Variants in ADGRE1 observed in about 807,000 individuals in gnomAD.
The protein encoded by ADGRE1 is EGF-like module receptor 1.
A neutral mutation model predicts 102.7 loss-of-function variants in ADGRE1; 82 were observed. The observed-to-expected ratio is 0.80, with a 90% CI of 0.67 to 0.96. The LOEUF is 0.96. ADGRE1 is among the 40% of genes least tolerant of loss of function. The probability of loss-of-function intolerance (pLI) is 0.00; values close to 1 mark genes in which losing one functional copy is unlikely to be tolerated. For missense variants in ADGRE1, 1,032 were observed against 1,085.3 expected, an observed-to-expected ratio of 0.95 and a Z score of 0.69; for synonymous variants, 398 against 399.6, an observed-to-expected ratio of 1.00 and a Z score of 0.05.
At chr19:6,922,686 A>T (rs1032466102) in intron 14 of ADGRE1, among the ~76,000 whole-genome samples, 1 of 151,978 alleles carries the variant, frequency 6.6e-6, no homozygotes, top group South Asian at 2.1e-4. Flanking sequence ...GGTGTTTCCA[A>T]GAGAGCCGAT....
At chr19:6,896,693 T>C (rs899579603) in intron 3 of ADGRE1, 152 bp downstream of exon 3, 2 of 872,818 alleles carry the variant, frequency 2.3e-6, no homozygotes, top group Middle Eastern at 3.6e-4. Context: ...GTCATTTCTG[T>C]TCAAGGTTAA....
Position 6,926,579 on chromosome 19 carries a change from C to T in ADGRE1, c.2200C>T (p.Gln734Ter). The T allele has an allele frequency of 6.2e-7, 1 of 1,614,226 alleles. No homozygotes were observed. ...VVVISASVQPQGYGMHNRCWL... is the reference protein window; with the variant it reads ...VVVISASVQP ...GGTGATCTCTGCCAGTGTGCAGCCA[C>T]AGGGCTATGGAATGCATAATCGGTG... Residue 734 changes from glutamine to a stop codon, truncating the protein, a stop_gained, in exon 16 of 21, where the codon CAG becomes TAG. Coordinates refer to ENST00000312053, the MANE Select transcript of ADGRE1 (RefSeq NM_001974.5). LOFTEE classifies it high-confidence loss of function.
chr19:6,910,013 T>A (rs539617050), intron 10 of ADGRE1, among the ~76,000 whole-genome samples: 28 of 152,092 alleles, frequency 1.8e-4, no homozygotes, highest in Non-Finnish European at 2.8e-4. Context: ...GGATTAGAGG[T>A]GTGAGCCACC....
intron 11 of ADGRE1, among the ~76,000 whole-genome samples, chr19:6,914,154 A>AT (rs1229367648): frequency 2.6e-5 from 4 of 152,346 alleles, no homozygotes; most frequent in Non-Finnish European, 4.4e-5. Flanking sequence ...CCATGGTAGA[A>AT]TTGTACTTCC....
chr19:6,912,162 A>G (rs779513124), intron 10 of ADGRE1, among the ~76,000 whole-genome samples: 1 of 152,092 alleles, frequency 6.6e-6, no homozygotes, highest in Admixed American at 6.6e-5. Flanking sequence ...ACATACACAG[A>G]GATATACACA....
Position 6,910,452 on chromosome 19 carries a change from T to G in ADGRE1, c.1122+1680T>G, listed in dbSNP as rs543165489. Among the ~76,000 whole-genome samples, 9 of 152,308 alleles carry G rather than the reference T, an allele frequency of 5.9e-5. No individual in the cohort carries two copies. In the South Asian group the frequency reaches 1.9e-3, roughly 32 times the overall value. On this transcript the variant is annotated intron_variant, in intron 10 of 20. Transcript: ENST00000312053. ...ATTCTTTTAGACATTCAATATGGTT[T>G]ATAAATAGCCACGTTCTCTTAAATT...
intron 17 of ADGRE1, among the ~76,000 whole-genome samples, chr19:6,933,404 T>TTTTTTTTTA (rs1975250697): frequency 7.1e-6 from 1 of 141,790 alleles, no homozygotes; most frequent in African/African-American, 2.6e-5. Context: ...TTTTTTTTTT[T>TTTTTTTTTA]GAGACAGAGT....
Position 6,916,263 on chromosome 19 carries a change from G to T in ADGRE1, c.1315G>T (p.Val439Phe), listed in dbSNP as rs1974378035. ...RTEYLDIESK[V>F]INKECSEENV... ...TCTCTTTTTAGACATTGAGAGCAAAGTTATCAACAAAGAATGCAGTGAAGA... is the reference window on the plus strand; with the variant it reads ...TCTCTTTTTAGACATTGAGAGCAAATTTATCAACAAAGAATGCAGTGAAGA... Residue 439 changes from valine (V) to phenylalanine (F), a missense_variant, in exon 12 of 21, where the codon GTT becomes TTT. Val to Phe is a conservative substitution (Grantham distance 50). Transcript: ENST00000312053. 1.9e-6 allele frequency: 3 copies of T among 1,612,658 alleles called. No homozygotes were observed. Among genetic ancestry groups the T allele is most frequent in the Admixed American group, 3.3e-5 (2 of 59,876 alleles).
chr19:6,935,783 C>A (rs565516268), intron 18 of ADGRE1, among the ~76,000 whole-genome samples: 1 of 152,126 alleles, frequency 6.6e-6, no homozygotes. Flanking sequence ...TTAGAATGTG[C>A]GTCGTAAATT....
chr19:6,896,397 G>C lies in ADGRE1; in HGVS notation c.95-1G>C. The C allele has an allele frequency of 6.2e-7, 1 of 1,613,736 alleles. No individual in the cohort carries two copies. The highest frequency in any genetic ancestry group is 1.7e-4 in the Middle Eastern group (1 of 6,060). ...TAAACTTTTCTTTATACACTGCCTA[G>C]GTAATAACTGTAGAGACAGTACCTT... On this transcript the variant is annotated splice_acceptor_variant, in intron 2 of 20. Transcript: ENST00000312053. LOFTEE classifies it high-confidence loss of function.
intron 10 of ADGRE1, 45 bp from the exon 11 acceptor site, chr19:6,913,608 A>T: frequency 6.7e-7 from 1 of 1,491,136 alleles, no homozygotes; most frequent in Non-Finnish European, 9.0e-7. Context: ...TTATTTCATT[A>T]ATGAGAGAGA....
At chr19:6,933,385 C>CTTTTTT (rs34493324) in intron 17 of ADGRE1, among the ~76,000 whole-genome samples, 9 of 129,892 alleles carry the variant, frequency 6.9e-5, no homozygotes, top group African/African-American at 2.3e-4. Context: ...AGTGTGAAGA[C>CTTTTTT]TTTTTTTTTT....
intron 5 of ADGRE1, chr19:6,898,812 T>A (rs544941987): frequency 1.9e-5 from 8 of 432,274 alleles, no homozygotes; most frequent in Middle Eastern, 6.0e-4. Context: ...GGTAAAAATA[T>A]ATAGTTGCCT....
intron 13 of ADGRE1, among the ~76,000 whole-genome samples, chr19:6,920,488 G>A (rs1179545859): frequency 2.1e-5 from 3 of 141,896 alleles, no homozygotes; most frequent in East Asian, 2.2e-4. Context: ...CAAAGTGCTG[G>A]GATTACAGGC....
intron 20 of ADGRE1, 129 bp downstream of exon 20, chr19:6,937,777 G>A (rs1599777385): frequency 2.9e-6 from 2 of 694,106 alleles, no homozygotes; most frequent in East Asian, 5.3e-5. Flanking sequence ...GCTCATGGAT[G>A]AAGTGTGGAG....
chr19:6,890,540 A>G lies in ADGRE1; in HGVS notation c.91A>G (p.Lys31Glu). The G allele has an allele frequency of 6.2e-7, 1 of 1,613,460 alleles. No homozygotes were observed. The highest frequency in any genetic ancestry group is 1.3e-5 in the African/African-American group (1 of 74,946). The change falls in exon 2 of 21, where the codon AAG becomes GAG. Residue 31 changes from lysine to glutamate, a missense_variant. By Grantham distance (56) the Lys-to-Glu change is moderately conservative. Transcript: ENST00000312053. ...HIRPTRKPNT[K>E]GNNCRDSTLC... ...AAGACCCACACGGAAACCAAACACA[A>G]AGGGTAAGTTGGCCAGAGAGAATGC...
chr19:6,913,232 G>T (rs1974262046), intron 10 of ADGRE1, among the ~76,000 whole-genome samples: 1 of 151,998 alleles, frequency 6.6e-6, no homozygotes, highest in South Asian at 2.1e-4. Flanking sequence ...AGGCTGGAGT[G>T]CAGTGGTGCG....
intron 17 of ADGRE1, 90 bp downstream of exon 17, chr19:6,928,301 A>G: frequency 1.2e-6 from 2 of 1,608,634 alleles, no homozygotes; most frequent in Non-Finnish European, 1.7e-6. Flanking sequence ...GGACGTGTGC[A>G]GCTGAGAGGG....
rs775150519 is a variant in ADGRE1, at chr19:6,937,646, A to G, written c.2653A>G (p.Thr885Ala). 5.6e-6 allele frequency: 9 copies of G among 1,613,716 alleles called. No homozygotes were observed. The highest frequency in any genetic ancestry group is 3.3e-5 in the Admixed American group (2 of 59,968). Residue 885 changes from threonine to alanine, a missense_variant and splice_region_variant, in exon 20 of 21, where the codon ACG becomes GCG. Thr to Ala is a moderately conservative substitution (Grantham distance 58). Transcript: ENST00000312053. ...LLSSMPSASK[T>A]G is the part of the protein sequence containing the mutation. ...GTCCTCCATGCCATCCGCTTCCAAG[A>G]CGGTGAGAGACTGCATGCTCCCTGC...
Sources: gnomAD v4.1 joint callset for allele counts (sites outside exome capture counted in the v4.1 genomes callset) on GRCh38, gnomAD v4.1.1 for gene constraint, MANE v1.5 for transcripts, NCBI Gene and HGNC (gene_info 2026-07-23, HGNC 2026-07-21) for gene names.